Variants in MYOF observed in about 807,000 individuals in gnomAD.
The protein encoded by MYOF is fer-1-like 3, myoferlin.
In MYOF, 244 loss-of-function variants were observed where a neutral mutation model predicts 284.2. The ratio of observed to expected loss-of-function variants is 0.86; its 90% CI spans 0.77 to 0.95. The LOEUF (loss-of-function observed/expected upper bound fraction) is 0.95, where lower values mean the gene tolerates loss of function less well. Among genes scored for constraint, MYOF ranks in the 40% least tolerant of loss-of-function variants. MYOF has a pLI of 0.00. For synonymous variants in MYOF, 904 were observed against 919.7 expected (o/e 0.98, Z 0.31); for missense variants, 2,496 against 2,560.6 (o/e 0.97, Z 0.54).
At chr10:93,434,811 A>AT (rs1554863256) in intron 3 of MYOF, among the ~76,000 whole-genome samples, 5 of 151,952 alleles carry the variant, frequency 3.3e-5, no homozygotes, top group Non-Finnish European at 2.9e-5. Flanking sequence ...TTACAGGAGT[A>AT]TTTTTTTTCT....
chr10:93,471,099 G>C (rs1436067312), intron 1 of MYOF, among the ~76,000 whole-genome samples: 2 of 152,150 alleles, frequency 1.3e-5, no homozygotes, highest in Non-Finnish European at 2.9e-5. Flanking sequence ...AAATGAAGTG[G>C]ACCTCGCCCT....
intron 36 of MYOF, among the ~76,000 whole-genome samples, chr10:93,348,365 C>G (rs967743898): frequency 1.2e-4 from 19 of 152,186 alleles, no homozygotes; most frequent in Non-Finnish European, 1.0e-4. Context: ...CCTCAACTCC[C>G]CCTGGCTCCC....
chr10:93,323,491 C>T, intron 46 of MYOF, 133 bp from the exon 47 acceptor site: 1 of 808,630 alleles, frequency 1.2e-6, no homozygotes, highest in Non-Finnish European at 1.9e-6. Context: ...ACATGGAAGG[C>T]AAGAAGTGGA....
Position 93,329,669 on chromosome 10 carries a change from G to A in MYOF, c.4977C>T (p.Tyr1659=). 6.2e-7 allele frequency: 1 copy of A among 1,613,922 alleles called. No homozygotes were observed. The highest frequency in any genetic ancestry group is 8.5e-7 in the Non-Finnish European group (1 of 1,180,040). ...GTACAGTCAAAGCAACTTACACACA[G>A]TACTCCTCTGGTATGCCGCAGTGGG... ...FGSHCGIPEE[Y]CVSGVNTWRD... Residue 1659 remains tyrosine, a synonymous_variant, in exon 44 of 54, where the codon TAC becomes TAT. Transcript: ENST00000359263.
intron 3 of MYOF, among the ~76,000 whole-genome samples, chr10:93,445,513 C>T (rs2056404365): frequency 6.6e-6 from 1 of 152,236 alleles, no homozygotes; most frequent in Admixed American, 6.5e-5. Flanking sequence ...GACCAAGAGG[C>T]TCCTCTGTCT....
At chr10:93,335,527 G>A (rs532842965) in intron 41 of MYOF, among the ~76,000 whole-genome samples, 74 of 152,354 alleles carry the variant, frequency 4.9e-4, no homozygotes, top group African/African-American at 1.7e-3. Flanking sequence ...GGTAGGGGCA[G>A]TAGGATGAAG....
intron 18 of MYOF, 95 bp from the exon 19 acceptor site, chr10:93,388,008 T>C: frequency 2.2e-6 from 2 of 924,056 alleles, no homozygotes; most frequent in Non-Finnish European, 3.5e-6. Context: ...AAAAAGTTTC[T>C]CCTTCCCATG....
chr10:93,328,688 C>A, intron 45 of MYOF, 75 bp downstream of exon 45: 1 of 1,459,394 alleles, frequency 6.9e-7, no homozygotes, highest in South Asian at 1.4e-5. Flanking sequence ...TCTGTCTATT[C>A]ACTCCCCCAA....
At chr10:93,377,096 C>A (rs1406030387) in intron 22 of MYOF, among the ~76,000 whole-genome samples, 1 of 152,060 alleles carries the variant, frequency 6.6e-6, no homozygotes, top group East Asian at 1.9e-4. Flanking sequence ...GGGAGTGGGG[C>A]CTCAGCCTCC....
chr10:93,468,431 G>T (rs1411677427), intron 1 of MYOF, among the ~76,000 whole-genome samples: 2 of 152,242 alleles, frequency 1.3e-5, no homozygotes, highest in Non-Finnish European at 2.9e-5. Flanking sequence ...ATTACCAGGT[G>T]TTGGAATCAG....
intron 41 of MYOF, among the ~76,000 whole-genome samples, chr10:93,335,681 G>C (rs192510264): frequency 1.5e-3 from 229 of 151,090 alleles, no homozygotes; most frequent in Non-Finnish European, 2.6e-3. Context: ...GAGATGGCTC[G>C]AGTGCTCTGG....
chr10:93,376,818 C>A (rs529105655), intron 22 of MYOF, among the ~76,000 whole-genome samples: 23 of 152,266 alleles, frequency 1.5e-4, no homozygotes, highest in African/African-American at 5.3e-4. Context: ...ACTGGTTTTG[C>A]CTAACAGAGG....
intron 52 of MYOF, 134 bp downstream of exon 52, chr10:93,310,400 C>G: frequency 9.9e-7 from 1 of 1,008,796 alleles, no homozygotes; most frequent in Middle Eastern, 2.6e-4. Context: ...ACCAACCTCT[C>G]CACCCCCACC....
At chr10:93,434,288 C>T (rs1051757284) in intron 3 of MYOF, among the ~76,000 whole-genome samples, 72 of 152,052 alleles carry the variant, frequency 4.7e-4, no homozygotes, top group African/African-American at 1.7e-3. Context: ...ACAAATTAGC[C>T]AGGTGTGGTG....
chr10:93,379,261 G>A (rs531766413), intron 21 of MYOF, among the ~76,000 whole-genome samples: 1 of 152,210 alleles, frequency 6.6e-6, no homozygotes, highest in East Asian at 1.9e-4. Context: ...CCACTGCAAA[G>A]TTCTCAGAGT....
At chr10:93,382,948 T>G (rs1297553998) in intron 19 of MYOF, among the ~76,000 whole-genome samples, 2 of 152,162 alleles carry the variant, frequency 1.3e-5, no homozygotes, top group Non-Finnish European at 2.9e-5. Flanking sequence ...CTGGCTGGAG[T>G]ACAGTGGCTT....
chr10:93,421,738 C>T (rs1009946736), intron 5 of MYOF, among the ~76,000 whole-genome samples: 16 of 152,144 alleles, frequency 1.1e-4, no homozygotes, highest in African/African-American at 1.9e-4. Flanking sequence ...CTTCTTGAAG[C>T]GCTCACCAGA....
chr10:93,463,696 G>A lies in MYOF; in HGVS notation c.89-6759C>T, dbSNP rs568354374. On this transcript the variant is annotated intron_variant, in intron 1 of 53. Coordinates refer to ENST00000359263, the MANE Select transcript of MYOF (RefSeq NM_013451.4). The stretch of plus-strand genomic sequence containing the variant: ...ATTACAGGCGTGAGGCACCACACCC[G>A]GCCCATCTCTACAAAATATTTAAAA... Among the ~76,000 whole-genome samples the A allele has an allele frequency of 8.6e-5, 13 of 151,660 alleles. No homozygotes were observed. The South Asian group carries it at 2.1e-3, about 24-fold the overall frequency.
At chr10:93,353,387 C>T (rs1417223337) in intron 32 of MYOF, among the ~76,000 whole-genome samples, 1 of 152,126 alleles carries the variant, frequency 6.6e-6, no homozygotes, top group East Asian at 1.9e-4. Flanking sequence ...CCAAACTGCT[C>T]AAAGCCTGGT....
Sources: allele counts gnomAD v4.1 joint callset (sites outside exome capture counted in the v4.1 genomes callset), GRCh38; gene constraint gnomAD v4.1.1; transcripts MANE v1.5; gene names NCBI Gene and HGNC (gene_info 2026-07-23, HGNC 2026-07-21).